The following UNC80 variants were observed in gnomAD, a reference collection of about 807,000 sequenced individuals.
UNC80 encodes the protein unc-80 subunit of NALCN channel complex, also known as protein unc-80 homolog.
A neutral mutation model predicts 384.6 loss-of-function variants in UNC80; 164 were observed. The observed-to-expected ratio is 0.43, with a 90% CI of 0.38 to 0.49. UNC80 has a LOEUF of 0.49. Ranked by LOEUF, UNC80 falls within the 20% of genes least tolerant of loss-of-function variation. The pLI is 0.00. For synonymous variants in UNC80, 1,486 were observed against 1,527.8 expected, an observed-to-expected ratio of 0.97 and a Z score of 0.64; for missense variants, 3,330 against 4,143.0, an observed-to-expected ratio of 0.80 and a Z score of 5.39.
chr2:209,961,096 GGA>G (rs376968347), intron 51 of UNC80: 10 of 150,196 alleles, frequency 6.7e-5, no homozygotes, highest in Non-Finnish European at 1.2e-4. Flanking sequence ...TGAGAGAGAG[GGA>G]GAGAGAGAGA....
chr2:209,993,177 A>T, intron 62 of UNC80, 138 bp from the exon 63 acceptor site: 1 of 616,608 alleles, frequency 1.6e-6, no homozygotes, highest in Non-Finnish European at 2.7e-6. Context: ...ACTTATAGTT[A>T]AATATGCAGA....
intron 28 of UNC80, among the ~76,000 whole-genome samples, chr2:209,903,316 T>TTA (rs774307261): frequency 0.14 from 10,226 of 73,238 alleles, 568 homozygotes; most frequent in Middle Eastern, 0.26. Flanking sequence ...ATATATTATA[T>TTA]TATATGTGTG....
intron 25 of UNC80, among the ~76,000 whole-genome samples, 199 bp downstream of exon 25, chr2:209,881,293 C>G (rs2124896294): frequency 6.6e-6 from 1 of 152,156 alleles, no homozygotes; most frequent in South Asian, 2.1e-4. Flanking sequence ...CAAAGTCAAT[C>G]TAGAAATCAG....
At chr2:209,893,292 T>G (rs780712559) in intron 26 of UNC80, among the ~76,000 whole-genome samples, 3 of 152,198 alleles carry the variant, frequency 2.0e-5, no homozygotes, top group Non-Finnish European at 4.4e-5. Context: ...ACTTACTTTA[T>G]CCCACCTTTA....
chr2:209,945,814 C>CT (rs1388809479), intron 46 of UNC80, 33 bp from the exon 47 acceptor site: 1 of 1,456,048 alleles, frequency 6.9e-7, no homozygotes, highest in South Asian at 1.2e-5. Flanking sequence ...AAAATCCACT[C>CT]TGATAGTTTG....
intron 13 of UNC80, among the ~76,000 whole-genome samples, chr2:209,825,105 G>C (rs890105930): frequency 9.2e-5 from 14 of 152,202 alleles, no homozygotes; most frequent in Non-Finnish European, 1.5e-5. Context: ...ATGGTGGAAT[G>C]TGGTAGAAGG....
At chr2:209,856,394 CTTG>C (rs2082921716) in intron 22 of UNC80, among the ~76,000 whole-genome samples, 1 of 151,996 alleles carries the variant, frequency 6.6e-6, no homozygotes, top group Non-Finnish European at 1.5e-5. Flanking sequence ...CAGTGTTCAG[CTTG>C]TTTTCTTCTT....
At chr2:209,887,175 T>G (rs1482918047) in intron 25 of UNC80, among the ~76,000 whole-genome samples, 1 of 152,132 alleles carries the variant, frequency 6.6e-6, no homozygotes, top group Non-Finnish European at 1.5e-5. Context: ...TAGCTAGGAT[T>G]ACAGGCATGC....
chr2:209,822,680 G>A (rs563378820), intron 13 of UNC80, among the ~76,000 whole-genome samples: 19 of 152,146 alleles, frequency 1.2e-4, no homozygotes, highest in Non-Finnish European at 2.4e-4. Flanking sequence ...TTAGTGTTTT[G>A]TTTTCATTTT....
At chr2:209,848,762 A>G (rs2082324902) in intron 21 of UNC80, among the ~76,000 whole-genome samples, 1 of 152,270 alleles carries the variant, frequency 6.6e-6, no homozygotes, top group East Asian at 1.9e-4. Flanking sequence ...CTGCTTCCAA[A>G]GGATGTGTCC....
chr2:209,809,523 C>T, intron 7 of UNC80: 1 of 1,065,198 alleles, frequency 9.4e-7, no homozygotes, highest in Admixed American at 1.7e-5. Context: ...GAACCTTCTC[C>T]CGAATGGCCC....
At chr2:209,954,361 C>T in intron 48 of UNC80, 91 bp downstream of exon 48, 1 of 1,294,138 alleles carries the variant, frequency 7.7e-7, no homozygotes, top group African/African-American at 1.5e-5. Context: ...GGATAAAAAT[C>T]TAAAACCCAA....
chr2:209,828,344 AC>A (rs2080697255), intron 14 of UNC80, among the ~76,000 whole-genome samples: 1 of 152,068 alleles, frequency 6.6e-6, no homozygotes, highest in Non-Finnish European at 1.5e-5. Flanking sequence ...AAACTTGTAA[AC>A]TCCCTGGGAA....
rs1180748615 is a variant in UNC80, at chr2:209,912,639, C to T, written c.4862C>T (p.Ser1621Phe). The change falls in exon 30 of 65, where the codon TCC becomes TTC. Residue 1621 changes from serine (S) to phenylalanine (F), a missense_variant. Around this residue, in one of 8 missense-constraint regions of UNC80, gnomAD observed 801 missense variants for 950.8 expected, o/e 0.84. Coordinates refer to ENST00000673920, the MANE Select transcript of UNC80 (RefSeq NM_001371986.1). Reference protein sequence around the residue: ...SDANLEGKKDSGMLKYIRLQV... With the variant: ...SDANLEGKKDFGMLKYIRLQV... ...GCCAATCTGGAAGGAAAAAAAGATTCCGGAATGCTGAAGTACATCAGACTT... is the reference window on the plus strand; with the variant it reads ...GCCAATCTGGAAGGAAAAAAAGATTTCGGAATGCTGAAGTACATCAGACTT... 2 of 1,551,162 alleles carry T rather than the reference C, an allele frequency of 1.3e-6. No individual in the cohort carries two copies. The highest frequency in any genetic ancestry group is 2.7e-5 in the African/African-American group (2 of 72,988).
intron 47 of UNC80, among the ~76,000 whole-genome samples, chr2:209,950,125 C>T (rs1165606274): frequency 6.6e-6 from 1 of 152,154 alleles, no homozygotes; most frequent in Non-Finnish European, 1.5e-5. Flanking sequence ...GGAACTGTGC[C>T]TGCCTCAGAT....
At chr2:209,893,533 C>T (rs772236543) in intron 26 of UNC80, among the ~76,000 whole-genome samples, 1 of 152,094 alleles carries the variant, frequency 6.6e-6, no homozygotes, top group African/African-American at 2.4e-5. Flanking sequence ...GGGGGGGTTG[C>T]ACCATTTGGA....
rs61742726 is a variant in UNC80 at position 209,819,117 on chromosome 2, G to A, written c.1818G>A (p.Pro606=). 2.8e-4 allele frequency: 435 copies of A among 1,552,138 alleles called. No individual in the cohort carries two copies. The African/African-American group carries it at 4.1e-3, about 14-fold the overall frequency. The part of the protein sequence containing the change: ...MRKLCNQVPI[P]EMPHEPLACA... ...AACTCTGCAACCAGGTGCCTATCCC[G>A]GAGATGCCACATGAACCTCTGGCAT... Residue 606 remains proline, a synonymous_variant, in exon 12 of 65, where the codon CCG becomes CCA. Coordinates refer to ENST00000673920, the MANE Select transcript of UNC80 (RefSeq NM_001371986.1).
At chr2:209,828,007 T>C (rs769030110) in intron 14 of UNC80, among the ~76,000 whole-genome samples, 33 of 152,186 alleles carry the variant, frequency 2.2e-4, no homozygotes, top group Non-Finnish European at 4.0e-4. Flanking sequence ...TATTTAAAGT[T>C]TGATATTCTT....
At chr2:209,922,160 G>T in intron 34 of UNC80, 92 bp from the exon 35 acceptor site, 2 of 1,395,494 alleles carry the variant, frequency 1.4e-6, no homozygotes, top group Admixed American at 4.2e-5. Flanking sequence ...TATGGTCTGA[G>T]AGCAGTATGC....
Sources: gnomAD v4.1 joint callset for allele counts (sites outside exome capture counted in the v4.1 genomes callset) on GRCh38, gnomAD v4.1.1 for gene constraint, gnomAD v4.1.1 regional missense constraint, MANE v1.5 for transcripts, NCBI Gene and HGNC (gene_info 2026-07-23, HGNC 2026-07-21) for gene names.